Variants in CADPS2 observed in about 807,000 individuals in gnomAD.
CADPS2 encodes calcium dependent secretion activator 2.
In CADPS2, 93 loss-of-function variants were observed where a neutral mutation model predicts 172.5. The ratio of observed to expected loss-of-function variants is 0.54; its 90% CI spans 0.46 to 0.64. The LOEUF is 0.64. Among genes scored for constraint, CADPS2 ranks in the 30% least tolerant of loss-of-function variants. The pLI is 0.00. For synonymous variants in CADPS2, 546 were observed against 555.2 expected, an observed-to-expected ratio of 0.98 and a Z score of 0.23; for missense variants, 1,420 against 1,565.9, an observed-to-expected ratio of 0.91 and a Z score of 1.57.
intron 3 of CADPS2, among the ~76,000 whole-genome samples, chr7:122,631,750 A>G (rs2076598093): frequency 6.6e-6 from 1 of 151,600 alleles, no homozygotes; most frequent in Admixed American, 6.6e-5. Context: ...TTTCATGGGT[A>G]TATTACATGT....
At chr7:122,733,276 A>G (rs1197411807) in intron 2 of CADPS2, among the ~76,000 whole-genome samples, 4 of 152,016 alleles carry the variant, frequency 2.6e-5, no homozygotes, top group African/African-American at 9.7e-5. Flanking sequence ...TTGTGGAGAA[A>G]GTAAGAATAA....
At chr7:122,470,145 T>C (rs1224292524) in intron 14 of CADPS2, among the ~76,000 whole-genome samples, 1 of 152,134 alleles carries the variant, frequency 6.6e-6, no homozygotes, top group Non-Finnish European at 1.5e-5. Flanking sequence ...AAGAAGAGTG[T>C]GGTAAAAGTT....
At chr7:122,581,004 T>C (rs2068733312) in intron 7 of CADPS2, among the ~76,000 whole-genome samples, 175 bp downstream of exon 7, 1 of 152,172 alleles carries the variant, frequency 6.6e-6, no homozygotes, top group Non-Finnish European at 1.5e-5. Context: ...TTCTGTGTTA[T>C]AGACAATTAG....
At chr7:122,377,256 A>G (rs1341904084) in intron 25 of CADPS2, among the ~76,000 whole-genome samples, 6 of 152,158 alleles carry the variant, frequency 3.9e-5, no homozygotes, top group African/African-American at 1.4e-4. Flanking sequence ...GTTATTTTAG[A>G]ATATCTTTTC....
At chr7:122,377,037 G>T (rs554174252) in intron 25 of CADPS2, among the ~76,000 whole-genome samples, 3 of 152,182 alleles carry the variant, frequency 2.0e-5, no homozygotes, top group Non-Finnish European at 4.4e-5. Context: ...TTCAACCAAA[G>T]AATTAAAGAT....
intron 9 of CADPS2, among the ~76,000 whole-genome samples, chr7:122,492,238 C>T (rs2058361773): frequency 6.6e-6 from 1 of 151,892 alleles, no homozygotes; most frequent in South Asian, 2.1e-4. Context: ...ATAAATCTCA[C>T]TAAAAGTTGA....
In CADPS2 at chr7:122,478,151, G is replaced by T. The variant is rs1278567483; in HGVS notation, c.1861+2701C>A. On this transcript the variant is annotated intron_variant, in intron 12 of 29. Coordinates refer to ENST00000449022, the MANE Select transcript of CADPS2 (RefSeq NM_017954.11). ...CTTTTTAGTCAATTACCAAATCCAA[G>T]GCTTTAAAATTGGGTTATACTGGAT... Among the ~76,000 whole-genome samples the T allele has an allele frequency of 2.6e-5, 4 of 151,908 alleles. No individual in the cohort carries two copies. The East Asian group carries it at 7.7e-4, about 29-fold the overall frequency.
intron 7 of CADPS2, among the ~76,000 whole-genome samples, chr7:122,558,047 C>T (rs1422029907): frequency 1.3e-5 from 2 of 152,196 alleles, no homozygotes; most frequent in African/African-American, 4.8e-5. Flanking sequence ...ACACTTCTAT[C>T]AGGAATACCT....
chr7:122,811,675 A>G lies in CADPS2; in HGVS notation c.339+74324T>C, dbSNP rs1044432566. Among the ~76,000 whole-genome samples the G allele has an allele frequency of 2.0e-5, 3 of 152,204 alleles. No individual in the cohort carries two copies. The East Asian group carries it at 5.8e-4, about 29-fold the overall frequency. The stretch of plus-strand genomic sequence containing the variant: ...ATTTTAAAACAAAAAAAGGGACGAC[A>G]GACATGTATAATGGTAATTTTTAAA... On this transcript the variant is annotated intron_variant, in intron 1 of 29. Coordinates refer to ENST00000449022, the MANE Select transcript of CADPS2 (RefSeq NM_017954.11).
chr7:122,653,120 C>G (rs1450465468), intron 3 of CADPS2, among the ~76,000 whole-genome samples: 6 of 152,146 alleles, frequency 3.9e-5, no homozygotes, highest in Non-Finnish European at 8.8e-5. Context: ...GTGTCCTTTC[C>G]TTCTTGAGTT....
At chr7:122,369,985 C>A (rs771379074) in intron 25 of CADPS2, 1 of 152,328 alleles carries the variant, frequency 6.6e-6, no homozygotes, top group East Asian at 1.9e-4. Context: ...AGCTCCTTAG[C>A]ACTTCCTACA....
At chr7:122,383,333 G>C (rs1585466483) in intron 24 of CADPS2, among the ~76,000 whole-genome samples, 1 of 152,106 alleles carries the variant, frequency 6.6e-6, no homozygotes, top group East Asian at 1.9e-4. Context: ...GACTAGTAGA[G>C]GGGAGAGGGA....
intron 25 of CADPS2, among the ~76,000 whole-genome samples, chr7:122,368,828 T>C (rs1027310148): frequency 8.5e-5 from 13 of 152,068 alleles, no homozygotes; most frequent in Admixed American, 5.9e-4. Context: ...CATGCAGATA[T>C]GTGCGTAGGA....
intron 27 of CADPS2, among the ~76,000 whole-genome samples, chr7:122,353,166 T>G (rs576677088): frequency 2.6e-4 from 40 of 152,098 alleles, no homozygotes; most frequent in Non-Finnish European, 5.6e-4. Context: ...TTATCCTCAC[T>G]GCATGGGTGG....
intron 5 of CADPS2, among the ~76,000 whole-genome samples, chr7:122,618,957 T>C (rs1033046597): frequency 3.3e-5 from 5 of 152,206 alleles, no homozygotes; most frequent in Non-Finnish European, 5.9e-5. Flanking sequence ...TAGATAGACA[T>C]AGCAACAGAG....
rs373940033 is a variant in CADPS2, at chr7:122,702,725, G to A, written c.453+34230C>T. On this transcript the variant is annotated intron_variant, in intron 2 of 29. Coordinates refer to ENST00000449022, the MANE Select transcript of CADPS2 (RefSeq NM_017954.11). ...TCCAGATGAAACAGAACTATGCGTC[G>A]AAGGGGTAATTCTAAGGAAGCTCAT... 39 of 1,608,144 alleles carry A rather than the reference G, an allele frequency of 2.4e-5. 2 individuals carry two copies. In the South Asian group the frequency reaches 3.6e-4, roughly 15 times the overall value.
intron 2 of CADPS2, among the ~76,000 whole-genome samples, chr7:122,674,205 C>G (rs1029573367): frequency 4.6e-5 from 7 of 152,198 alleles, no homozygotes; most frequent in Admixed American, 1.3e-4. Context: ...CCCGCCCGCA[C>G]CTCTCCCTTC....
rs183356561 is a variant in CADPS2 at position 122,782,542 on chromosome 7, T to C, written c.340-45474A>G. Among the ~76,000 whole-genome samples, 3 of 152,254 alleles carry C rather than the reference T, an allele frequency of 2.0e-5. No individual in the cohort carries two copies. In the East Asian group the frequency reaches 5.8e-4, roughly 29 times the overall value. On this transcript the variant is annotated intron_variant, in intron 1 of 29. Transcript: ENST00000449022. ...GGGAGAATCATTTGAACCAGGGATG[T>C]TGAGGCTGCAGTGAGGCATGTTCAT...
intron 8 of CADPS2, among the ~76,000 whole-genome samples, chr7:122,522,514 G>A (rs1190102788): frequency 2.0e-5 from 3 of 152,120 alleles, no homozygotes; most frequent in East Asian, 3.9e-4. Context: ...TGGTAAAATC[G>A]GGATATTTGG....
Sources: allele counts gnomAD v4.1 joint callset (sites outside exome capture counted in the v4.1 genomes callset), GRCh38; gene constraint gnomAD v4.1.1; transcripts MANE v1.5; gene names NCBI Gene and HGNC (gene_info 2026-07-23, HGNC 2026-07-21).